The following ABCA12 variants were observed in gnomAD, a reference collection of about 807,000 sequenced individuals.
ABCA12 encodes the protein ATP binding cassette subfamily A member 12.
In ABCA12, 156 loss-of-function variants were observed where a neutral mutation model predicts 293.5. That is an observed-to-expected ratio of 0.53 (90% CI 0.47 to 0.61). ABCA12 has a LOEUF of 0.61. Among genes scored for constraint, ABCA12 ranks in the 20% least tolerant of loss-of-function variants. The probability of loss-of-function intolerance (pLI) is 0.00; values close to 1 mark genes in which losing one functional copy is unlikely to be tolerated. For missense variants in ABCA12, 2,797 were observed against 3,090.2 expected (o/e 0.91, Z 2.25); for synonymous variants, 1,063 against 1,108.0 (o/e 0.96, Z 0.81).
chr2:215,058,499 G>T (rs2222493), intron 3 of ABCA12, among the ~76,000 whole-genome samples: 97,499 of 151,946 alleles, frequency 0.64, 31,931 homozygotes, highest in African/African-American at 0.77. Context: ...GGAAGTCTCA[G>T]AGACTCTATC....
At chr2:214,994,938 A>T (rs951432785) in intron 23 of ABCA12, among the ~76,000 whole-genome samples, 12 of 152,224 alleles carry the variant, frequency 7.9e-5, no homozygotes, top group African/African-American at 4.8e-5. Flanking sequence ...GATCAAACAG[A>T]TGAATCGAAC....
chr2:214,998,189 A>T (rs550256018), intron 22 of ABCA12, among the ~76,000 whole-genome samples: 1 of 152,354 alleles, frequency 6.6e-6, no homozygotes, highest in African/African-American at 2.4e-5. Context: ...TGAGACGATG[A>T]TTGGTTTACC....
intron 33 of ABCA12, 84 bp from the exon 34 acceptor site, chr2:214,976,121 A>G: frequency 1.3e-6 from 2 of 1,534,880 alleles, no homozygotes; most frequent in Non-Finnish European, 1.8e-6. Context: ...TATAAATGGT[A>G]TAATACACTG....
chr2:215,036,883 G>T, intron 8 of ABCA12, 70 bp downstream of exon 8: 2 of 1,324,464 alleles, frequency 1.5e-6, no homozygotes, highest in Non-Finnish European at 2.2e-6. Context: ...TACTTTCATT[G>T]CACTCTGCTT....
intron 39 of ABCA12, chr2:214,963,113 A>T (rs1699159044): frequency 6.6e-6 from 1 of 152,174 alleles, no homozygotes; most frequent in Non-Finnish European, 1.5e-5. Context: ...ATCCTTAAAA[A>T]AATCAACGAA....
chr2:214,933,654 T>C (rs925735433), intron 52 of ABCA12, among the ~76,000 whole-genome samples: 2 of 152,194 alleles, frequency 1.3e-5, no homozygotes, highest in Non-Finnish European at 2.9e-5. Flanking sequence ...ACCACTTTAA[T>C]TGCCTGAATT....
chr2:214,946,213 A>G (rs1457302137), intron 48 of ABCA12, among the ~76,000 whole-genome samples: 1 of 152,134 alleles, frequency 6.6e-6, no homozygotes, highest in Non-Finnish European at 1.5e-5. Flanking sequence ...ATTATGTGTC[A>G]ATTAAAATGG....
intron 17 of ABCA12, 84 bp downstream of exon 17, chr2:215,011,355 T>A: frequency 9.6e-7 from 1 of 1,038,776 alleles, no homozygotes; most frequent in Non-Finnish European, 1.5e-6. Flanking sequence ...AATACTTCAT[T>A]TATCATAAAA....
chr2:215,035,672 A>G (rs1192447329), intron 8 of ABCA12: 1 of 152,052 alleles, frequency 6.6e-6, no homozygotes, highest in Non-Finnish European at 1.5e-5. Context: ...CTCAAAAAAA[A>G]AAAAAAAAAA....
chr2:214,989,405 G>A lies in ABCA12; in HGVS notation c.3753C>T (p.Gly1251=), dbSNP rs756620305. Reference sequence around the variant, plus strand: ...CAGCTAGGATTAGACAGCACAGCCAGCCAAATGAGGTGGTGTCATCCTGAA... The same window carrying A: ...CAGCTAGGATTAGACAGCACAGCCAACCAAATGAGGTGGTGTCATCCTGAA... The part of the protein sequence containing the change: ...SPVQDDTTSF[G]WLCCLILADS... The change falls in exon 26 of 53, where the codon GGC becomes GGT. Residue 1251 remains glycine (G), a synonymous_variant. Transcript: ENST00000272895. The A allele has an allele frequency of 2.5e-6, 4 of 1,613,582 alleles. No homozygotes were observed. Among genetic ancestry groups the A allele is most frequent in the East Asian group, 4.5e-5 (2 of 44,834 alleles).
intron 3 of ABCA12, among the ~76,000 whole-genome samples, chr2:215,063,047 A>G (rs1453456178): frequency 6.6e-6 from 1 of 151,996 alleles, no homozygotes; most frequent in African/African-American, 2.4e-5. Context: ...ATGAATGAAC[A>G]TCAGATTCTT....
At chr2:215,103,263 C>CT (rs1158377505) in intron 2 of ABCA12, among the ~76,000 whole-genome samples, 1,115 of 81,256 alleles carry the variant, frequency 0.014, 50 homozygotes, top group Middle Eastern at 0.085. Context: ...CTTAAAATTT[C>CT]TTTCTTTTTT....
chr2:214,935,608 G>A (rs745591411), intron 51 of ABCA12, among the ~76,000 whole-genome samples: 1 of 152,076 alleles, frequency 6.6e-6, no homozygotes, highest in Non-Finnish European at 1.5e-5. Flanking sequence ...ACCAGCTTGG[G>A]CAACATAGTG....
chr2:215,088,954 T>A lies in ABCA12; in HGVS notation c.163+22643A>T, dbSNP rs1442423518. Among the ~76,000 whole-genome samples the A allele has an allele frequency of 2.6e-5, 4 of 152,282 alleles. No homozygotes were observed. In the East Asian group the frequency reaches 5.8e-4, roughly 22 times the overall value. On this transcript the variant is annotated intron_variant, in intron 2 of 52. Coordinates refer to ENST00000272895, the MANE Select transcript of ABCA12 (RefSeq NM_173076.3). ...ATCATTCATGTATATCATTCATATA[T>A]GTCCATCCATCCACCCCTCCCTCCC...
In ABCA12 at chr2:214,986,693, C is replaced by G; in HGVS notation, c.4012G>C (p.Glu1338Gln). 1 of 1,614,028 alleles carries G rather than the reference C, an allele frequency of 6.2e-7. No homozygotes were observed. The highest frequency in any genetic ancestry group is 8.5e-7 in the Non-Finnish European group (1 of 1,179,960). ...ACCCCGACTGTGAGATCTTTAGGTT[C>G]AGGCTCGATGTTAGAGGAAAACATG... ...EYMFSSNIEPEPKDLTVGVAL... is the reference protein window; with the variant it reads ...EYMFSSNIEPQPKDLTVGVAL... The change falls in exon 28 of 53, where the codon GAA becomes CAA. Residue 1338 changes from glutamate (E) to glutamine (Q), a missense_variant. Glu to Gln is a conservative substitution (Grantham distance 29, BLOSUM62 2). Transcript: ENST00000272895.
intron 49 of ABCA12, among the ~76,000 whole-genome samples, chr2:214,944,440 A>T (rs1698511408): frequency 1.3e-5 from 2 of 151,418 alleles, no homozygotes; most frequent in African/African-American, 4.9e-5. Flanking sequence ...ATAAAAAAAA[A>T]ATTTCAAATA....
chr2:214,944,168 T>C (rs1047481757), intron 49 of ABCA12, among the ~76,000 whole-genome samples: 2 of 102,026 alleles, frequency 2.0e-5, no homozygotes, highest in African/African-American at 1.0e-4. Flanking sequence ...ATCCCAGCAC[T>C]TTGGTAGGCC....
chr2:215,000,276 T>A (rs1259282488), intron 22 of ABCA12, among the ~76,000 whole-genome samples: 1 of 152,218 alleles, frequency 6.6e-6, no homozygotes, highest in Non-Finnish European at 1.5e-5. Context: ...CAATTTGTTT[T>A]CTTAAAATTG....
chr2:214,991,743 G>C (rs1280745029), intron 23 of ABCA12, among the ~76,000 whole-genome samples: 1 of 152,146 alleles, frequency 6.6e-6, no homozygotes, highest in Non-Finnish European at 1.5e-5. Flanking sequence ...GATATTCTTT[G>C]ATACCTCAGT....
Sources: gnomAD v4.1 joint callset for allele counts (sites outside exome capture counted in the v4.1 genomes callset) on GRCh38, gnomAD v4.1.1 for gene constraint, MANE v1.5 for transcripts, NCBI Gene and HGNC (gene_info 2026-07-23, HGNC 2026-07-21) for gene names.